ARHGAP44: variants seen among roughly 807,000 people sequenced by gnomAD.
The protein encoded by ARHGAP44 is rho GTPase-activating protein 44.
ARHGAP44 carries 43 observed loss-of-function variants against 106.8 expected under a neutral mutation model. The ratio of observed to expected loss-of-function variants is 0.40; its 90% CI spans 0.32 to 0.52. ARHGAP44 has a LOEUF of 0.52. Among genes scored for constraint, ARHGAP44 ranks in the 20% least tolerant of loss-of-function variants. The pLI, the probability that ARHGAP44 is intolerant of heterozygous loss-of-function variation, is 0.48. For synonymous variants in ARHGAP44, 439 were observed against 410.3 expected (o/e 1.07, Z -0.85); for missense variants, 866 against 1,050.5 (o/e 0.82, Z 2.43).
intron 3 of ARHGAP44, among the ~76,000 whole-genome samples, chr17:12,897,921 G>A (rs1269087787): frequency 6.6e-6 from 1 of 152,026 alleles, no homozygotes; most frequent in African/African-American, 2.4e-5. Context: ...ATTGGATTGA[G>A]AGTCTTACGT....
intron 13 of ARHGAP44, among the ~76,000 whole-genome samples, chr17:12,954,492 C>T (rs1368953513): frequency 6.6e-6 from 1 of 152,180 alleles, no homozygotes; most frequent in Middle Eastern, 3.2e-3. Flanking sequence ...ACCTGTGTGG[C>T]CTCTTGGAGG....
At chr17:12,959,015 G>C (rs2039195978) in intron 16 of ARHGAP44, 118 bp downstream of exon 16, 1 of 1,225,976 alleles carries the variant, frequency 8.2e-7, no homozygotes. Flanking sequence ...AGCAGTTTAG[G>C]TGACTCGTAG....
intron 1 of ARHGAP44, among the ~76,000 whole-genome samples, chr17:12,875,593 AAAAT>A (rs535173270): frequency 2.0e-5 from 3 of 150,372 alleles, no homozygotes; most frequent in East Asian, 1.9e-4. Flanking sequence ...CTCTATCTCA[AAAAT>A]AAATAAATAA....
chr17:12,973,222 C>T, intron 16 of ARHGAP44, 80 bp from the exon 17 acceptor site: 1 of 1,470,356 alleles, frequency 6.8e-7, no homozygotes. Flanking sequence ...AGAGAGACCC[C>T]TTACAGAAAG....
intron 1 of ARHGAP44, among the ~76,000 whole-genome samples, chr17:12,816,054 A>G (rs1291850237): frequency 6.6e-6 from 1 of 152,134 alleles, no homozygotes; most frequent in East Asian, 1.9e-4. Flanking sequence ...TACTGAACGC[A>G]GTTGAAAGGG....
Position 12,980,120 on chromosome 17 carries a change from A to T in ARHGAP44, c.1826A>T (p.Gln609Leu), listed in dbSNP as rs1189661570. Residue 609 changes from glutamine to leucine, a missense_variant, in exon 19 of 21, where the codon CAG (glutamine) becomes CTG (leucine). By Grantham distance (113) the Gln-to-Leu change is moderately radical. Around this residue, in one of 2 missense-constraint regions of ARHGAP44, gnomAD observed 418 missense variants for 403.6 expected, o/e 1.04. Coordinates refer to ENST00000379672, the MANE Select transcript of ARHGAP44 (RefSeq NM_014859.6). The stretch of plus-strand genomic sequence containing the variant: ...CAGAAAGGAAGTCCAGGCTCCAGCC[A>T]GGGCACAGCCTGTGCAGGGACTCAA... ...SAQKGSPGSS[Q>L]GTACAGTQPG... 6.2e-7 allele frequency: 1 copy of T among 1,613,934 alleles called. No individual in the cohort carries two copies. Among genetic ancestry groups the T allele is most frequent in the South Asian group, 1.1e-5 (1 of 91,080 alleles).
chr17:12,852,760 C>G (rs920180084), intron 1 of ARHGAP44, among the ~76,000 whole-genome samples: 1 of 152,106 alleles, frequency 6.6e-6, no homozygotes, highest in South Asian at 2.1e-4. Flanking sequence ...CCAGAATGGT[C>G]TTGATCTCCT....
At chr17:12,891,734 C>T (rs548562522) in intron 1 of ARHGAP44, among the ~76,000 whole-genome samples, 13 of 152,004 alleles carry the variant, frequency 8.6e-5, no homozygotes, top group East Asian at 1.9e-4. Context: ...ATTATTTTAC[C>T]GGTTTAAGTG....
chr17:12,825,345 C>T (rs533559884), intron 1 of ARHGAP44, among the ~76,000 whole-genome samples: 3 of 151,630 alleles, frequency 2.0e-5, no homozygotes, highest in African/African-American at 7.3e-5. Flanking sequence ...CCCTTGATTA[C>T]TAATTTTTTA....
intron 6 of ARHGAP44, among the ~76,000 whole-genome samples, chr17:12,923,064 A>G (rs1218717642): frequency 6.6e-6 from 1 of 152,290 alleles, no homozygotes; most frequent in African/African-American, 2.4e-5. Context: ...GACCCTTTAT[A>G]ACCTTTGTTG....
At position 12,818,335 on chromosome 17, in the gene ARHGAP44, G is replaced by GAAAAAAAA. The variant is rs376432420; in HGVS notation, c.53+28455_53+28462dup. Among the ~76,000 whole-genome samples the GAAAAAAAA allele has an allele frequency of 8.0e-4, 73 of 91,362 alleles. 1 individual carries two copies. Among genetic ancestry groups the GAAAAAAAA allele is most frequent in the African/African-American group, 1.9e-3 (59 of 30,468 alleles). 59.9% of individuals were successfully genotyped at this position (91,362 alleles called of 152,430 possible). A position where few individuals can be genotyped will look rare whatever the true frequency, so the allele number is the denominator to read the frequency against. ...AAACTGGTAAGGTGCATCTGGAAAA[G>GAAAAAAAA]AAAAAAAAAAAAAAAAAACAACCCT... On this transcript the variant is annotated intron_variant, in intron 1 of 20. Coordinates refer to ENST00000379672, the MANE Select transcript of ARHGAP44 (RefSeq NM_014859.6).
At chr17:12,915,679 T>A (rs1275554909) in intron 4 of ARHGAP44, among the ~76,000 whole-genome samples, 2 of 152,202 alleles carry the variant, frequency 1.3e-5, no homozygotes, top group Non-Finnish European at 2.9e-5. Context: ...TTTCCCCTTG[T>A]GCCCCAGGCA....
Position 12,811,576 on chromosome 17 carries a change from G to A in ARHGAP44, c.53+21685G>A, listed in dbSNP as rs545206230. ...GTATAAGTGGACCTGCACAGTTCCAGCCTGTGTTGTTCAAAGGCCAACTGT... is the reference window on the plus strand; with the variant it reads ...GTATAAGTGGACCTGCACAGTTCCAACCTGTGTTGTTCAAAGGCCAACTGT... On this transcript the variant is annotated intron_variant, in intron 1 of 20. Transcript: ENST00000379672. Among the ~76,000 whole-genome samples the A allele has an allele frequency of 3.3e-5, 5 of 152,282 alleles. No individual in the cohort carries two copies. The East Asian group carries it at 7.7e-4, about 24-fold the overall frequency.
At chr17:12,794,930 A>G (rs2033874201) in intron 1 of ARHGAP44, among the ~76,000 whole-genome samples, 1 of 152,168 alleles carries the variant, frequency 6.6e-6, no homozygotes, top group African/African-American at 2.4e-5. Flanking sequence ...CCTTGAAGGT[A>G]TCTCTGAGAC....
intron 1 of ARHGAP44, among the ~76,000 whole-genome samples, chr17:12,872,652 C>G (rs2036437843): frequency 6.6e-6 from 1 of 152,156 alleles, no homozygotes; most frequent in South Asian, 2.1e-4. Context: ...TTTTTCCCCT[C>G]TGAAAGCTTT....
At chr17:12,952,626 G>A (rs2039019571) in intron 13 of ARHGAP44, 45 bp downstream of exon 13, 2 of 1,411,840 alleles carry the variant, frequency 1.4e-6, no homozygotes, top group African/African-American at 1.4e-5. Flanking sequence ...TTGGGCTTAT[G>A]TAAGCCTCAG....
At chr17:12,970,383 A>AAGAAAAG (rs1555565454) in intron 16 of ARHGAP44, among the ~76,000 whole-genome samples, 3,113 of 140,160 alleles carry the variant, frequency 0.022, 60 homozygotes, top group Middle Eastern at 0.049. Flanking sequence ...AAAAAAAAAA[A>AAGAAAAG]AAAAAGAAAA....
chr17:12,923,943 C>CG (rs1567689608), intron 6 of ARHGAP44, among the ~76,000 whole-genome samples: 1 of 152,162 alleles, frequency 6.6e-6, no homozygotes, highest in Non-Finnish European at 1.5e-5. Context: ...ATGCTCCCCC[C>CG]CTACCCCCTG....
At chr17:12,888,327 A>T (rs1418301049) in intron 1 of ARHGAP44, among the ~76,000 whole-genome samples, 6 of 152,156 alleles carry the variant, frequency 3.9e-5, no homozygotes, top group African/African-American at 9.7e-5. Context: ...TAATTTTTAA[A>T]CATCTGCCTT....
Sources: gnomAD v4.1 joint callset for allele counts (sites outside exome capture counted in the v4.1 genomes callset) on GRCh38, gnomAD v4.1.1 for gene constraint, gnomAD v4.1.1 regional missense constraint, MANE v1.5 for transcripts, NCBI Gene and HGNC (gene_info 2026-07-23, HGNC 2026-07-21) for gene names.